ARHGAP21: variants seen among roughly 807,000 people sequenced by gnomAD.
The protein encoded by ARHGAP21 is Rho GTPase activating protein 21.
A neutral mutation model predicts 164.6 loss-of-function variants in ARHGAP21; 38 were observed. The ratio of observed to expected loss-of-function variants is 0.23; its 90% CI spans 0.18 to 0.30. The LOEUF (loss-of-function observed/expected upper bound fraction) is 0.30, where lower values mean the gene tolerates loss of function less well. ARHGAP21 is among the 10% of genes least tolerant of loss of function. ARHGAP21 has a pLI of 1.00. For synonymous variants in ARHGAP21, 766 were observed against 857.9 expected (o/e 0.89, Z 1.87); for missense variants, 1,822 against 2,370.7 (o/e 0.77, Z 4.81).
chr10:24,591,533 G>C, intron 23 of ARHGAP21, 109 bp downstream of exon 23: 3 of 1,396,138 alleles, frequency 2.1e-6, no homozygotes, highest in Middle Eastern at 1.8e-4. Context: ...ACCTGCTTCC[G>C]GGGCGCAAAG....
intron 7 of ARHGAP21, among the ~76,000 whole-genome samples, chr10:24,628,202 CT>C (rs1411446125): frequency 6.6e-6 from 1 of 152,234 alleles, no homozygotes; most frequent in Non-Finnish European, 1.5e-5. Context: ...TCTACAACCA[CT>C]TTTGCATGTC....
At chr10:24,649,264 T>C (rs1227761418) in intron 4 of ARHGAP21, among the ~76,000 whole-genome samples, 2 of 152,176 alleles carry the variant, frequency 1.3e-5, no homozygotes, top group East Asian at 1.9e-4. Context: ...ATGTAAAACC[T>C]AGCTGCTAGA....
chr10:24,646,741 C>T (rs923216486), intron 4 of ARHGAP21, among the ~76,000 whole-genome samples: 6 of 152,034 alleles, frequency 3.9e-5, no homozygotes, highest in Non-Finnish European at 8.8e-5. Context: ...GAGAACTTGT[C>T]TCTAAAAAAA....
Position 24,620,450 on chromosome 10 carries a change from G to A in ARHGAP21, c.1445C>T (p.Thr482Met), listed in dbSNP as rs374253129. The A allele has an allele frequency of 1.4e-5, 23 of 1,608,438 alleles. No individual in the cohort carries two copies. Among genetic ancestry groups the A allele is most frequent in the African/African-American group, 2.7e-5 (2 of 74,688 alleles). ...CPRSASQGALTSPSVSFSNHR... is the reference protein window; with the variant it reads ...CPRSASQGALMSPSVSFSNHR... ...ATTACTAAAACTAACAGATGGAGAC[G>A]TCAGTGCTCCTTGAGATGCACTTCT... The change falls in exon 9 of 26, where the codon ACG (threonine) becomes ATG (methionine). Residue 482 changes from threonine (T) to methionine (M), a missense_variant. Coordinates refer to ENST00000396432, the MANE Select transcript of ARHGAP21 (RefSeq NM_020824.4).
At chr10:24,588,118 T>C (rs1387803279) in intron 25 of ARHGAP21, among the ~76,000 whole-genome samples, 3 of 152,196 alleles carry the variant, frequency 2.0e-5, no homozygotes, top group Non-Finnish European at 2.9e-5. Flanking sequence ...CTGCATTCTG[T>C]ATAAGGAAGT....
chr10:24,718,475 G>C, intron 2 of ARHGAP21, among the ~76,000 whole-genome samples: 1 of 152,126 alleles, frequency 6.6e-6, no homozygotes, highest in East Asian at 1.9e-4. Context: ...CTTGGCTCTG[G>C]ATAAAACCAA....
chr10:24,621,854 T>G (rs1834575762), intron 8 of ARHGAP21, among the ~76,000 whole-genome samples: 1 of 152,192 alleles, frequency 6.6e-6, no homozygotes, highest in African/African-American at 2.4e-5. Flanking sequence ...ATCTTGTCAA[T>G]TAACCATTAC....
chr10:24,676,406 C>T (rs572928892), intron 2 of ARHGAP21, among the ~76,000 whole-genome samples: 2 of 152,220 alleles, frequency 1.3e-5, no homozygotes, highest in East Asian at 3.9e-4. Context: ...TTATCTGACC[C>T]AGAATTTTAA....
At position 24,591,322 on chromosome 10, in the gene ARHGAP21, C is replaced by T; in HGVS notation, c.4053G>A (p.Val1351=). The change falls in exon 24 of 26, where the codon GTG becomes GTA. Residue 1351 remains valine (V), a synonymous_variant. Transcript: ENST00000396432. ...EEGAEEPLTT[V]QEESTVDSQP... is the part of the protein sequence containing the mutation. Reference sequence around the variant, plus strand: ...GGGAGTCTACTGTGCTTTCCTCCTGCACTGTTGTCTATGGTTAATAAACAA... The same window carrying T: ...GGGAGTCTACTGTGCTTTCCTCCTGTACTGTTGTCTATGGTTAATAAACAA... 1 of 1,611,764 alleles carries T rather than the reference C, an allele frequency of 6.2e-7. No individual in the cohort carries two copies. Among genetic ancestry groups the T allele is most frequent in the Non-Finnish European group, 8.5e-7 (1 of 1,178,820 alleles).
chr10:24,660,098 C>A (rs1381333654), intron 4 of ARHGAP21, among the ~76,000 whole-genome samples: 2 of 152,006 alleles, frequency 1.3e-5, no homozygotes, highest in Non-Finnish European at 2.9e-5. Flanking sequence ...CCTAAAATAT[C>A]CTCAAGAATA....
At chr10:24,718,714 C>G (rs1251274790) in intron 2 of ARHGAP21, among the ~76,000 whole-genome samples, 1 of 152,068 alleles carries the variant, frequency 6.6e-6, no homozygotes, top group Non-Finnish European at 1.5e-5. Flanking sequence ...CAAAATCAAC[C>G]AACAAGTGTA....
At chr10:24,633,339 A>G (rs1481649479) in intron 6 of ARHGAP21, 63 bp downstream of exon 6, 21 of 1,158,894 alleles carry the variant, frequency 1.8e-5, no homozygotes, top group African/African-American at 3.1e-5. Flanking sequence ...GATTGTATTA[A>G]ATCTATGTGC....
At chr10:24,655,025 T>G (rs1355518119) in intron 4 of ARHGAP21, among the ~76,000 whole-genome samples, 1 of 152,204 alleles carries the variant, frequency 6.6e-6, no homozygotes, top group Non-Finnish European at 1.5e-5. Context: ...GGGGAAAGGA[T>G]TCCCTATTTA....
chr10:24,706,410 CAAG>C (rs879185894), intron 2 of ARHGAP21: 3 of 152,468 alleles, frequency 2.0e-5, no homozygotes, highest in South Asian at 4.1e-4. Flanking sequence ...CCTACTCTTA[CAAG>C]AAGACAGTGT....
intron 2 of ARHGAP21, chr10:24,714,465 T>C (rs1007069889): frequency 3.9e-5 from 6 of 152,206 alleles, no homozygotes; most frequent in Non-Finnish European, 5.9e-5. Flanking sequence ...GGCTCTTATC[T>C]AGTGATAGGC....
Position 24,620,168 on chromosome 10 carries a change from C to A in ARHGAP21, c.1727G>T (p.Gly576Val). 1 of 1,613,966 alleles carries A rather than the reference C, an allele frequency of 6.2e-7. No individual in the cohort carries two copies. Among genetic ancestry groups the A allele is most frequent in the Non-Finnish European group, 8.5e-7 (1 of 1,179,874 alleles). ...NSDNRRMSGR[G>V]VGSVSQFKKI... ...TTTAAACTGCGACACAGATCCCACTCCTCTACCACTCATTCGCCTGTTATC... is the reference window on the plus strand; with the variant it reads ...TTTAAACTGCGACACAGATCCCACTACTCTACCACTCATTCGCCTGTTATC... The change falls in exon 9 of 26, where the codon GGA (glycine) becomes GTA (valine). Residue 576 changes from glycine (G) to valine (V), a missense_variant. Around this residue, in one of 5 missense-constraint regions of ARHGAP21, gnomAD observed 1,090 missense variants for 1,378.9 expected, o/e 0.79. Coordinates refer to ENST00000396432, the MANE Select transcript of ARHGAP21 (RefSeq NM_020824.4).
chr10:24,676,988 G>A (rs1841315022), intron 2 of ARHGAP21, among the ~76,000 whole-genome samples: 1 of 152,100 alleles, frequency 6.6e-6, no homozygotes, highest in Non-Finnish European at 1.5e-5. Flanking sequence ...CAGATTATGA[G>A]GTCAGGAGTT....
At chr10:24,611,786 G>A (rs1037321031) in intron 9 of ARHGAP21, among the ~76,000 whole-genome samples, 1 of 152,078 alleles carries the variant, frequency 6.6e-6, no homozygotes, top group Non-Finnish European at 1.5e-5. Flanking sequence ...CTGGATCCAG[G>A]CATGCATGGA....
At chr10:24,662,162 T>C (rs1408065455) in intron 4 of ARHGAP21, among the ~76,000 whole-genome samples, 2 of 152,238 alleles carry the variant, frequency 1.3e-5, no homozygotes, top group African/African-American at 2.4e-5. Context: ...CCTTTCTCCA[T>C]GCAGGATTCA....
Sources: gnomAD v4.1 joint callset for allele counts (sites outside exome capture counted in the v4.1 genomes callset) on GRCh38, gnomAD v4.1.1 for gene constraint, gnomAD v4.1.1 regional missense constraint, MANE v1.5 for transcripts, NCBI Gene and HGNC (gene_info 2026-07-23, HGNC 2026-07-21) for gene names.